CERS6: variants seen among roughly 807,000 people sequenced by gnomAD.
CERS6 encodes ceramide synthase 6, also known as LAG1 homolog, ceramide synthase 6.
CERS6 carries 26 observed loss-of-function variants against 56.8 expected under a neutral mutation model. The observed-to-expected ratio is 0.46, with a 90% confidence interval of 0.34 to 0.63. The LOEUF (loss-of-function observed/expected upper bound fraction) is 0.63, where lower values mean the gene tolerates loss of function less well. Ranked by LOEUF, CERS6 falls within the 30% of genes least tolerant of loss-of-function variation. The pLI is 0.01. For missense variants in CERS6, 415 were observed against 467.5 expected, an observed-to-expected ratio of 0.89 and a Z score of 1.04; for synonymous variants, 164 against 173.3, an observed-to-expected ratio of 0.95 and a Z score of 0.42.
chr2:168,602,291 ATGTC>A (rs1042020896), intron 3 of CERS6, among the ~76,000 whole-genome samples: 115 of 152,356 alleles, frequency 7.5e-4, no homozygotes, highest in African/African-American at 2.4e-3. Context: ...TTTAAAAAAT[ATGTC>A]TGAGTGCAAC....
Position 168,481,675 on chromosome 2 carries a change from CT to C in CERS6, c.170+25060del, listed in dbSNP as rs534626427. 4.6e-3 allele frequency among the ~76,000 whole-genome samples: 693 copies of C among 152,232 alleles called. 1 individual carries two copies. The highest frequency in any genetic ancestry group is 7.2e-3 in the Non-Finnish European group (488 of 68,004). Reference sequence around the variant, plus strand: ...CTTCAATGCCCAATGTTTCTTTTGACTTTAGTATTGAGAAATAAATGCTTAA... The same window carrying C: ...CTTCAATGCCCAATGTTTCTTTTGACTTAGTATTGAGAAATAAATGCTTAA... On this transcript the variant is annotated intron_variant, in intron 1 of 9. Coordinates refer to ENST00000305747, the MANE Select transcript of CERS6 (RefSeq NM_203463.3).
At chr2:168,604,722 C>A (rs1240322839) in intron 3 of CERS6, among the ~76,000 whole-genome samples, 1 of 152,056 alleles carries the variant, frequency 6.6e-6, no homozygotes, top group Non-Finnish European at 1.5e-5. Context: ...CTGCTTTGGC[C>A]ACGTAAGATG....
chr2:168,653,455 A>G (rs1310741440), intron 4 of CERS6, among the ~76,000 whole-genome samples: 1 of 152,232 alleles, frequency 6.6e-6, no homozygotes, highest in Non-Finnish European at 1.5e-5. Context: ...AACACAATGA[A>G]GGATTCTAGT....
chr2:168,512,712 G>C (rs1052924614), intron 1 of CERS6, among the ~76,000 whole-genome samples: 1 of 149,818 alleles, frequency 6.7e-6, no homozygotes, highest in African/African-American at 2.5e-5. Flanking sequence ...CTGTCACCCA[G>C]GCTGGAGTGC....
intron 4 of CERS6, among the ~76,000 whole-genome samples, chr2:168,638,701 G>A (rs1171842810): frequency 6.6e-6 from 1 of 152,042 alleles, no homozygotes; most frequent in Non-Finnish European, 1.5e-5. Flanking sequence ...TTTGATTTTG[G>A]TTTTATAAAA....
intron 1 of CERS6, among the ~76,000 whole-genome samples, chr2:168,480,152 T>G (rs1263531678): frequency 6.6e-6 from 1 of 152,106 alleles, no homozygotes; most frequent in Non-Finnish European, 1.5e-5. Context: ...TTTAAACTTG[T>G]GAGAGAAATG....
At chr2:168,658,304 A>G (rs1685542972) in intron 4 of CERS6, among the ~76,000 whole-genome samples, 1 of 152,216 alleles carries the variant, frequency 6.6e-6, no homozygotes, top group African/African-American at 2.4e-5. Context: ...ATCCCAAGGA[A>G]GTAGATTTCG....
intron 1 of CERS6, among the ~76,000 whole-genome samples, chr2:168,515,390 G>A (rs1010215912): frequency 1.3e-5 from 2 of 150,586 alleles, no homozygotes; most frequent in African/African-American, 4.9e-5. Context: ...ATTTAACTAT[G>A]TAGTCACTGT....
chr2:168,466,567 A>G (rs762944711), intron 1 of CERS6, among the ~76,000 whole-genome samples: 1 of 152,256 alleles, frequency 6.6e-6, no homozygotes, highest in Non-Finnish European at 1.5e-5. Context: ...GCAGTCAGGT[A>G]CATATTATTC....
At chr2:168,749,242 A>T (rs1311489113) in intron 8 of CERS6, among the ~76,000 whole-genome samples, 1 of 151,950 alleles carries the variant, frequency 6.6e-6, no homozygotes, top group East Asian at 1.9e-4. Context: ...GATATCAAAT[A>T]TCATACTATT....
chr2:168,509,722 TAAAG>T (rs1694744801), intron 1 of CERS6, among the ~76,000 whole-genome samples: 2 of 152,226 alleles, frequency 1.3e-5, no homozygotes, highest in South Asian at 4.1e-4. Flanking sequence ...CAGTTTAACA[TAAAG>T]AAAGACTGCA....
chr2:168,731,822 A>G (rs923572265), intron 8 of CERS6, among the ~76,000 whole-genome samples: 2 of 152,190 alleles, frequency 1.3e-5, no homozygotes, highest in African/African-American at 4.8e-5. Context: ...TCTTCAGTGA[A>G]TTCAGAAGAT....
intron 1 of CERS6, among the ~76,000 whole-genome samples, chr2:168,462,497 T>G (rs767812812): frequency 2.0e-5 from 3 of 152,210 alleles, no homozygotes; most frequent in Non-Finnish European, 4.4e-5. Context: ...TAATCTTTAT[T>G]GACATCTATA....
chr2:168,703,492 A>C (rs1686854950), intron 6 of CERS6, among the ~76,000 whole-genome samples: 1 of 152,156 alleles, frequency 6.6e-6, no homozygotes, highest in African/African-American at 2.4e-5. Context: ...CGAGAGGCGG[A>C]GATTGCAGTG....
At chr2:168,650,960 T>C (rs1015566625) in intron 4 of CERS6, among the ~76,000 whole-genome samples, 1 of 152,084 alleles carries the variant, frequency 6.6e-6, no homozygotes, top group African/African-American at 2.4e-5. Flanking sequence ...ATTCTGTCAG[T>C]TGGAGAGTGG....
chr2:168,656,893 C>T (rs1393228266), intron 4 of CERS6, among the ~76,000 whole-genome samples: 2 of 152,138 alleles, frequency 1.3e-5, no homozygotes, highest in Non-Finnish European at 2.9e-5. Flanking sequence ...CAAAGGTTCT[C>T]CACCTCCCCA....
chr2:168,686,494 T>C (rs2105356227), intron 4 of CERS6, among the ~76,000 whole-genome samples: 1 of 151,882 alleles, frequency 6.6e-6, no homozygotes, highest in South Asian at 2.1e-4. Context: ...AGGGATCTTG[T>C]CAGTGAGATA....
At chr2:168,649,030 C>T (rs1040251784) in intron 4 of CERS6, among the ~76,000 whole-genome samples, 1 of 152,030 alleles carries the variant, frequency 6.6e-6, no homozygotes, top group African/African-American at 2.4e-5. Flanking sequence ...TGAGTTTAGG[C>T]GCTGAATATC....
chr2:168,523,241 A>G (rs368423180), intron 1 of CERS6, among the ~76,000 whole-genome samples: 1 of 152,280 alleles, frequency 6.6e-6, no homozygotes. Flanking sequence ...AAACGACATT[A>G]TCTTTTACCG....
Sources: allele counts gnomAD v4.1 joint callset (sites outside exome capture counted in the v4.1 genomes callset), GRCh38; gene constraint gnomAD v4.1.1; transcripts MANE v1.5; gene names NCBI Gene and HGNC (gene_info 2026-07-23, HGNC 2026-07-21).